The following STK3 variants were observed in gnomAD, a reference collection of about 807,000 sequenced individuals.
The protein encoded by STK3 is serine/threonine kinase 3.
A neutral mutation model predicts 58.0 loss-of-function variants in STK3; 41 were observed. That is an observed-to-expected ratio of 0.71 (90% CI 0.55 to 0.92). The LOEUF (loss-of-function observed/expected upper bound fraction) is 0.92. Ranked by LOEUF, STK3 falls within the 40% of genes least tolerant of loss-of-function variation. STK3 has a pLI of 0.00. For missense variants in STK3, 479 were observed against 602.7 expected (o/e 0.79, Z 2.15); for synonymous variants, 170 against 191.0 (o/e 0.89, Z 0.91).
chr8:98,549,427 C>T (rs1810987213), intron 8 of STK3, among the ~76,000 whole-genome samples: 1 of 152,130 alleles, frequency 6.6e-6, no homozygotes, highest in South Asian at 2.1e-4. Context: ...TATCCATTTA[C>T]CCATTTTAAA....
chr8:98,825,527 G>T lies in STK3; in HGVS notation c.14C>A (p.Pro5Gln). 1.4e-6 allele frequency: 2 copies of T among 1,456,690 alleles called. No individual in the cohort carries two copies. Among genetic ancestry groups the T allele is most frequent in the Admixed American group, 2.5e-5 (1 of 39,528 alleles). The allele number at this position is 1,456,690 out of a possible 1,614,324, so 90.2% of individuals were successfully genotyped here. A position where few individuals can be genotyped will look rare whatever the true frequency, so the allele number is the denominator to read the frequency against. ...CCCGATTCGTTACCTCTTAGGCGCC[G>T]GCGGCTGCTCCATGGCGGCCGGGGA... Reference protein sequence around the residue: MEQPPAPKSKLKKLS... With the variant: MEQPQAPKSKLKKLS... Residue 5 changes from proline (P) to glutamine (Q), a missense_variant, in exon 1 of 11, where the codon CCG (proline) becomes CAG (glutamine). By Grantham distance (76) the Pro-to-Gln change is moderately conservative. This residue lies in a region of STK3 where 44 missense variants were observed against 37.0 expected (regional missense o/e 1.19). Coordinates refer to ENST00000419617, the MANE Select transcript of STK3 (RefSeq NM_006281.4).
chr8:98,350,781 A>C, the STK3 span, among the ~76,000 whole-genome samples: 4 of 152,164 alleles, frequency 2.6e-5, no homozygotes, highest in South Asian at 8.3e-4. Context: ...TATGGGGGAA[A>C]CTGCCCCCAT....
intron 1 of STK3, among the ~76,000 whole-genome samples, chr8:98,921,721 T>G (rs1839571306): frequency 1.3e-5 from 2 of 152,158 alleles, no homozygotes; most frequent in Non-Finnish European, 2.9e-5. Flanking sequence ...TGAGACAGTC[T>G]CACTCTATCA....
intron 3 of STK3, among the ~76,000 whole-genome samples, chr8:98,395,948 G>A (rs1563591796): frequency 6.6e-6 from 1 of 152,164 alleles, no homozygotes; most frequent in East Asian, 1.9e-4. Flanking sequence ...AATGGTGCAG[G>A]AAAAATCTCT....
At chr8:98,609,015 C>T (rs1381042882) in intron 6 of STK3, among the ~76,000 whole-genome samples, 4 of 152,128 alleles carry the variant, frequency 2.6e-5, no homozygotes, top group South Asian at 4.1e-4. Context: ...ATTGGCAGAT[C>T]GGTCTTCGAA....
intron 7 of STK3, chr8:98,594,928 T>C (rs1815673325): frequency 6.6e-6 from 1 of 152,212 alleles, no homozygotes; most frequent in African/African-American, 2.4e-5. Flanking sequence ...AAGATATGTA[T>C]ATATGTTGTG....
intron 7 of STK3, among the ~76,000 whole-genome samples, chr8:98,588,261 G>A (rs966360871): frequency 1.3e-4 from 20 of 151,850 alleles, no homozygotes; most frequent in Middle Eastern, 3.4e-3. Flanking sequence ...CATTTTTAGC[G>A]CTTCCTTCAG....
intron 4 of STK3, among the ~76,000 whole-genome samples, chr8:98,710,556 T>G (rs562966120): frequency 3.9e-5 from 6 of 152,134 alleles, no homozygotes; most frequent in African/African-American, 1.4e-4. Context: ...AGCACAACAG[T>G]GTGAGATCAA....
intron 10 of STK3, among the ~76,000 whole-genome samples, chr8:98,503,365 C>CT (rs1239547987): frequency 6.6e-6 from 1 of 152,052 alleles, no homozygotes; most frequent in African/African-American, 2.4e-5. Flanking sequence ...TGGGGATTCA[C>CT]TGATTTTTTG....
chr8:98,892,591 T>C lies in STK3; in HGVS notation c.-78-8757A>G, dbSNP rs566950963. Among the ~76,000 whole-genome samples the C allele has an allele frequency of 7.2e-5, 11 of 152,296 alleles. No homozygotes were observed. In the South Asian group the frequency reaches 1.4e-3, roughly 20 times the overall value. On this transcript the variant is annotated intron_variant, in intron 1 of 1. Transcript: ENST00000519420. ...CCTTACTTTTGCTTCCAGGCCTTTG[T>C]ACACATTGTCCCCTTTGCTTGGTAC...
intron 9 of STK3, among the ~76,000 whole-genome samples, chr8:98,539,953 C>A (rs185280759): frequency 2.0e-5 from 3 of 152,146 alleles, no homozygotes; most frequent in Admixed American, 2.0e-4. Flanking sequence ...GGGGTTTCAC[C>A]GTGTTGGCCA....
At chr8:98,488,403 A>G (rs1415793674) in intron 10 of STK3, among the ~76,000 whole-genome samples, 1 of 152,222 alleles carries the variant, frequency 6.6e-6, no homozygotes, top group Non-Finnish European at 1.5e-5. Flanking sequence ...GCATTAAAAG[A>G]TAGACAATGG....
rs533989801 is a variant in STK3, at chr8:98,770,991, G to T, written c.108-3620C>A. On this transcript the variant is annotated intron_variant, in intron 2 of 10. Coordinates refer to ENST00000419617, the MANE Select transcript of STK3 (RefSeq NM_006281.4). ...ACTGTATAAAACAGTGTTTAATACA[G>T]TGGAACCTTTCTGGAGGGGAGGAGG... is the stretch of plus-strand genomic sequence containing the variant. Among the ~76,000 whole-genome samples, 1,307 of 152,260 alleles carry T rather than the reference G, an allele frequency of 8.6e-3. 6 individuals are homozygous for T. The highest frequency in any genetic ancestry group is 0.03 in the African/African-American group (1,232 of 41,540).
chr8:98,359,986 G>A, the STK3 span, among the ~76,000 whole-genome samples: 4 of 152,250 alleles, frequency 2.6e-5, no homozygotes, highest in African/African-American at 7.2e-5. Flanking sequence ...TGCTGGGGAC[G>A]TTGTAATGTA....
chr8:98,795,802 A>AATACAATACAATACG lies in STK3; in HGVS notation c.27-20984_27-20983insCGTATTGTATTGTAT, dbSNP rs1169295205. On this transcript the variant is annotated intron_variant, in intron 1 of 10. Transcript: ENST00000419617. ...CCCATTTACAATGGCCACAAAATACAATACAATACAATACAATACAATACA... is the reference window on the plus strand; with the variant it reads ...CCCATTTACAATGGCCACAAAATACAATACAATACAATACGATACAATACAATACAATACAATACA... 1.7e-3 allele frequency among the ~76,000 whole-genome samples: 105 copies of AATACAATACAATACG among 61,590 alleles called. 2 individuals carry two copies. Among genetic ancestry groups the AATACAATACAATACG allele is most frequent in the South Asian group, 6.6e-3 (14 of 2,122 alleles). The allele number at this position is 61,590 out of a possible 152,430, so 40.4% of individuals were successfully genotyped here. A position where few individuals can be genotyped will look rare whatever the true frequency, so the allele number is the denominator to read the frequency against.
chr8:98,687,169 G>T (rs911751324), intron 6 of STK3, among the ~76,000 whole-genome samples: 3 of 152,116 alleles, frequency 2.0e-5, no homozygotes, highest in Non-Finnish European at 4.4e-5. Context: ...AAACCTTAAA[G>T]GCAGCTAGAG....
At chr8:98,597,514 C>T in intron 6 of STK3, 1 of 985,350 alleles carries the variant, frequency 1.0e-6, no homozygotes, top group East Asian at 1.1e-4. Flanking sequence ...TAAAGCATTT[C>T]TGTGTGTTCA....
chr8:98,738,570 C>T lies in STK3; in HGVS notation c.351+10706G>A, dbSNP rs143398580. Among the ~76,000 whole-genome samples, 40 of 152,296 alleles carry T rather than the reference C, an allele frequency of 2.6e-4. No homozygotes were observed. In the East Asian group the frequency reaches 5.2e-3, roughly 20 times the overall value. ...GGAATTGCATCCCAAACATCAAGCACGCCACCATATAATTAAGAACATATT... is the reference window on the plus strand; with the variant it reads ...GGAATTGCATCCCAAACATCAAGCATGCCACCATATAATTAAGAACATATT... On this transcript the variant is annotated intron_variant, in intron 4 of 10. Transcript: ENST00000419617.
chr8:98,891,624 T>A (rs1009522125), intron 1 of STK3, among the ~76,000 whole-genome samples: 3 of 138,568 alleles, frequency 2.2e-5, no homozygotes, highest in African/African-American at 8.2e-5. Flanking sequence ...TGTGTGTGTG[T>A]GTGAGAGAGA....
Sources: gnomAD v4.1 joint callset for allele counts (sites outside exome capture counted in the v4.1 genomes callset) on GRCh38, gnomAD v4.1.1 for gene constraint, gnomAD v4.1.1 regional missense constraint, MANE v1.5 for transcripts, NCBI Gene and HGNC (gene_info 2026-07-23, HGNC 2026-07-21) for gene names.